ROBO2: variants seen among roughly 807,000 people sequenced by gnomAD.
ROBO2 encodes roundabout homolog 2.
In ROBO2, 53 loss-of-function variants were observed where a neutral mutation model predicts 160.8. The ratio of observed to expected loss-of-function variants is 0.33; its 90% CI spans 0.26 to 0.41. The LOEUF (loss-of-function observed/expected upper bound fraction) is 0.41. ROBO2 is among the 10% of genes least tolerant of loss of function. ROBO2 has a pLI of 1.00. For missense variants in ROBO2, 1,577 were observed against 1,722.4 expected, an observed-to-expected ratio of 0.92 and a Z score of 1.49; for synonymous variants, 664 against 611.7, an observed-to-expected ratio of 1.09 and a Z score of -1.26.
chr3:76,450,098 G>A (rs2077402315), intron 2 of ROBO2, among the ~76,000 whole-genome samples: 1 of 152,138 alleles, frequency 6.6e-6, no homozygotes, highest in African/African-American at 2.4e-5. Flanking sequence ...CAGACGTTTG[G>A]AAGAAGAGTA....
intron 13 of ROBO2, among the ~76,000 whole-genome samples, chr3:77,571,040 T>A (rs1219384611): frequency 6.6e-6 from 1 of 151,988 alleles, no homozygotes; most frequent in Non-Finnish European, 1.5e-5. Flanking sequence ...AAAATAGCAA[T>A]AAGTCACTTA....
rs574072816 is a variant in ROBO2, at chr3:76,754,409, G to A, written c.110-343605G>A. 1.9e-3 allele frequency among the ~76,000 whole-genome samples: 283 copies of A among 151,844 alleles called. 1 individual carries two copies. The highest frequency in any genetic ancestry group is 6.2e-3 in the African/African-American group (259 of 41,464). ...TACGGCTGCAACACTGAAGCGGAGG[G>A]GCAGCATAACCCCTTCATAATTCCT... On this transcript the variant is annotated intron_variant, in intron 2 of 26. Coordinates refer to the ROBO2 transcript ENST00000487694.
intron 2 of ROBO2, among the ~76,000 whole-genome samples, chr3:76,338,975 G>C (rs1330277764): frequency 1.3e-5 from 2 of 152,004 alleles, no homozygotes; most frequent in African/African-American, 4.8e-5. Flanking sequence ...AAAAACTGTT[G>C]AAGTTTTGTA....
At chr3:76,821,699 A>G (rs2066133437) in intron 2 of ROBO2, among the ~76,000 whole-genome samples, 1 of 152,052 alleles carries the variant, frequency 6.6e-6, no homozygotes, top group Non-Finnish European at 1.5e-5. Flanking sequence ...TTCTTTTCTC[A>G]GTAGTATTGC....
intron 2 of ROBO2, among the ~76,000 whole-genome samples, chr3:76,341,679 A>G (rs1051026155): frequency 6.6e-6 from 1 of 152,108 alleles, no homozygotes; most frequent in African/African-American, 2.4e-5. Flanking sequence ...GTTGGTCAGA[A>G]TCAGTCACTT....
intron 2 of ROBO2, among the ~76,000 whole-genome samples, chr3:76,622,855 C>G (rs535347806): frequency 6.6e-6 from 1 of 152,156 alleles, no homozygotes; most frequent in Non-Finnish European, 1.5e-5. Flanking sequence ...GTTGCAGGCA[C>G]CTGTCAATAA....
At chr3:75,928,231 G>A (rs1323434588) in intron 1 of ROBO2, among the ~76,000 whole-genome samples, 2 of 151,900 alleles carry the variant, frequency 1.3e-5, no homozygotes, top group East Asian at 1.9e-4. Flanking sequence ...TGATCCACAC[G>A]CCTCGACCTC....
Position 77,564,854 on chromosome 3 carries a change from G to T in ROBO2, c.1683-100G>T. The T allele has an allele frequency of 2.2e-6, 2 of 895,454 alleles. 1 individual carries two copies. Among genetic ancestry groups the T allele is most frequent in the Middle Eastern group, 4.5e-4 (2 of 4,414 alleles). The allele number at this position is 895,454 out of a possible 1,614,324, so 55.5% of individuals were successfully genotyped here. ...TCAAGTGTTGTGTGTGTGTGTGTGT[G>T]TGTTTAATTTCCAGCCATTAACCTT... On this transcript the variant is annotated intron_variant, in intron 11 of 25. Transcript: ENST00000461745.
chr3:75,971,895 T>C (rs756498149), intron 2 of ROBO2, among the ~76,000 whole-genome samples: 1 of 151,616 alleles, frequency 6.6e-6, no homozygotes, highest in Non-Finnish European at 1.5e-5. Context: ...GAGTTCCACC[T>C]ATCCAAAGTA....
At chr3:76,075,470 C>CTTTTTTT (rs1192962570) in intron 2 of ROBO2, among the ~76,000 whole-genome samples, 1 of 76,892 alleles carries the variant, frequency 1.3e-5, no homozygotes, top group African/African-American at 7.2e-5. Flanking sequence ...AAGACTTTTC[C>CTTTTTTT]TATTTTTTTT....
intron 2 of ROBO2, among the ~76,000 whole-genome samples, chr3:76,845,328 A>G (rs2068677627): frequency 6.6e-6 from 1 of 152,032 alleles, no homozygotes; most frequent in Admixed American, 6.6e-5. Context: ...GGAGAATAAA[A>G]TATCTGTGAT....
intron 2 of ROBO2, among the ~76,000 whole-genome samples, chr3:76,845,728 T>A (rs1326913699): frequency 6.6e-6 from 1 of 152,062 alleles, no homozygotes; most frequent in Non-Finnish European, 1.5e-5. Flanking sequence ...ATTTCTCTAC[T>A]TTCATACTTT....
intron 2 of ROBO2, among the ~76,000 whole-genome samples, chr3:77,207,072 C>T (rs1036404017): frequency 1.3e-5 from 2 of 152,082 alleles, no homozygotes; most frequent in African/African-American, 2.4e-5. Context: ...TTTAAACAAT[C>T]GTATGCAAAT....
intron 2 of ROBO2, among the ~76,000 whole-genome samples, chr3:76,055,236 A>T (rs1248467688): frequency 6.6e-6 from 1 of 152,172 alleles, no homozygotes; most frequent in East Asian, 1.9e-4. Flanking sequence ...TCCCTCCCAC[A>T]ACCTGTGGGG....
chr3:76,141,179 A>ATATATATATATATATATATT (rs1168896409), intron 2 of ROBO2, among the ~76,000 whole-genome samples: 8 of 104,492 alleles, frequency 7.7e-5, no homozygotes, highest in East Asian at 6.5e-4. Flanking sequence ...ATATATATAT[A>ATATATATATATATATATATT]TATATATATT....
chr3:75,975,265 T>C (rs1287287964), intron 2 of ROBO2, among the ~76,000 whole-genome samples: 1 of 151,446 alleles, frequency 6.6e-6, no homozygotes, highest in African/African-American at 2.4e-5. Flanking sequence ...TTTGTACCAA[T>C]TTAATAGTTT....
chr3:77,023,382 T>C (rs551246626), intron 2 of ROBO2, among the ~76,000 whole-genome samples: 2 of 152,306 alleles, frequency 1.3e-5, no homozygotes, highest in East Asian at 3.9e-4. Context: ...GAAAACGAAC[T>C]AATACAATGT....
intron 2 of ROBO2, among the ~76,000 whole-genome samples, chr3:75,938,768 A>G (rs1270565330): frequency 6.6e-6 from 1 of 152,212 alleles, no homozygotes; most frequent in African/African-American, 2.4e-5. Context: ...GTGCCTTTGT[A>G]TATGAATAGT....
At chr3:77,595,447 T>C (rs1439224694) in intron 18 of ROBO2, among the ~76,000 whole-genome samples, 8 of 152,166 alleles carry the variant, frequency 5.3e-5, no homozygotes, top group Non-Finnish European at 1.2e-4. Flanking sequence ...GTTAGCAGGA[T>C]GTTTATTGCA....
Sources: allele counts gnomAD v4.1 joint callset (sites outside exome capture counted in the v4.1 genomes callset), GRCh38; gene constraint gnomAD v4.1.1; transcripts MANE v1.5; gene names NCBI Gene and HGNC (gene_info 2026-07-23, HGNC 2026-07-21).